The following RYR2 variants were observed in gnomAD, a reference collection of about 807,000 sequenced individuals.
RYR2 encodes the protein cardiac muscle ryanodine receptor-calcium release channel.
In RYR2, 227 loss-of-function variants were observed where a neutral mutation model predicts 601.1. The ratio of observed to expected loss-of-function variants is 0.38; its 90% CI spans 0.34 to 0.42. The LOEUF (loss-of-function observed/expected upper bound fraction) is 0.42, where lower values mean the gene tolerates loss of function less well. RYR2 is among the 10% of genes least tolerant of loss of function. RYR2 has a pLI of 1.00. For missense variants in RYR2, 4,646 were observed against 6,156.5 expected (o/e 0.75, Z 8.21); for synonymous variants, 2,223 against 2,175.1 (o/e 1.02, Z -0.61).
At chr1:237,226,216 A>T (rs1385125992) in intron 1 of RYR2, among the ~76,000 whole-genome samples, 1 of 152,168 alleles carries the variant, frequency 6.6e-6, no homozygotes, top group Non-Finnish European at 1.5e-5. Context: ...ATGTTGTTAG[A>T]AATATAGTTG....
intron 27 of RYR2, among the ~76,000 whole-genome samples, chr1:237,554,489 T>C (rs1487163917): frequency 6.6e-6 from 1 of 151,976 alleles, no homozygotes; most frequent in Admixed American, 6.6e-5. Context: ...TTGATATCAA[T>C]GTAAATCTAG....
At chr1:237,071,710 CTA>C (rs1664354762) in intron 1 of RYR2, among the ~76,000 whole-genome samples, 1 of 152,200 alleles carries the variant, frequency 6.6e-6, no homozygotes, top group Non-Finnish European at 1.5e-5. Flanking sequence ...CACCAGGGAC[CTA>C]CCCCTTCCTG....
chr1:237,293,717 A>G (rs181412796), intron 2 of RYR2, among the ~76,000 whole-genome samples: 1 of 152,332 alleles, frequency 6.6e-6, no homozygotes, highest in Admixed American at 6.5e-5. Context: ...TGCCTAGGGC[A>G]GGAAATGTGG....
At chr1:237,077,718 G>A (rs1353844281) in intron 1 of RYR2, among the ~76,000 whole-genome samples, 7 of 152,016 alleles carry the variant, frequency 4.6e-5, no homozygotes, top group African/African-American at 1.7e-4. Context: ...ACAGATCAAC[G>A]AGACAGAAAG....
At chr1:237,818,736 A>G (rs191254981) in intron 100 of RYR2, among the ~76,000 whole-genome samples, 13 of 151,774 alleles carry the variant, frequency 8.6e-5, no homozygotes, top group Admixed American at 7.9e-4. Flanking sequence ...TCATTAGCAC[A>G]GATGGTTCAG....
chr1:237,358,219 C>T (rs1699467326), intron 4 of RYR2, among the ~76,000 whole-genome samples: 1 of 152,154 alleles, frequency 6.6e-6, no homozygotes, highest in Non-Finnish European at 1.5e-5. Flanking sequence ...TCAAGTCATA[C>T]AGATCTCATT....
At chr1:237,248,277 A>ACCCCCCCCCCCCCCCCC (rs1215094555) in intron 1 of RYR2, among the ~76,000 whole-genome samples, 3 of 6,894 alleles carry the variant, frequency 4.4e-4, no homozygotes, top group Non-Finnish European at 6.2e-4. Context: ...ACCCCCCGCA[A>ACCCCCCCCCCCCCCCCC]CCCCGCCCCC....
At position 237,631,613 on chromosome 1, in the gene RYR2, A is replaced by ATTTTTTTTTTTTTTTTTTT. The variant is rs556269614; in HGVS notation, c.6555+86_6555+104dup. ...GTATATAGATTGATATAGAATGCAG[A>ATTTTTTTTTTTTTTTTTTT]TTTTTTTTTTTTTTTTTTTTTTTTT... On this transcript the variant is annotated intron_variant, in intron 42 of 104. Coordinates refer to ENST00000366574, the MANE Select transcript of RYR2 (RefSeq NM_001035.3). 26 of 208,588 alleles carry ATTTTTTTTTTTTTTTTTTT rather than the reference A, an allele frequency of 1.2e-4. 5 individuals carry two copies. The African/African-American group carries it at 1.5e-3, about 12-fold the overall frequency. The allele number at this position is 208,588 out of a possible 1,614,324, so 12.9% of individuals were successfully genotyped here. A position where few individuals can be genotyped will look rare whatever the true frequency, so the allele number is the denominator to read the frequency against.
chr1:237,679,916 G>A (rs1685717873), intron 61 of RYR2, among the ~76,000 whole-genome samples: 1 of 152,130 alleles, frequency 6.6e-6, no homozygotes, highest in African/African-American at 2.4e-5. Flanking sequence ...TTGGCCCAAG[G>A]CCAGCAGGAT....
chr1:237,379,006 A>G (rs1701245392), intron 8 of RYR2, among the ~76,000 whole-genome samples: 1 of 152,214 alleles, frequency 6.6e-6, no homozygotes, highest in South Asian at 2.1e-4. Flanking sequence ...TTCTAGGACA[A>G]TACAGGTGTG....
intron 16 of RYR2, among the ~76,000 whole-genome samples, chr1:237,459,371 G>T (rs1659211338): frequency 6.6e-6 from 1 of 152,122 alleles, no homozygotes; most frequent in African/African-American, 2.4e-5. Flanking sequence ...GATTGCTTGA[G>T]GCTGGAAGTT....
intron 62 of RYR2, among the ~76,000 whole-genome samples, chr1:237,681,272 C>G (rs1353582883): frequency 7.2e-5 from 11 of 152,206 alleles, no homozygotes; most frequent in Non-Finnish European, 5.9e-5. Flanking sequence ...AAAGTGAATA[C>G]ACAGTATAAA....
chr1:237,298,744 A>C (rs1693058833), intron 2 of RYR2, among the ~76,000 whole-genome samples: 1 of 152,168 alleles, frequency 6.6e-6, no homozygotes, highest in South Asian at 2.1e-4. Flanking sequence ...TCATGCCTAT[A>C]ATCCCAGCAC....
intron 16 of RYR2, 49 bp downstream of exon 16, chr1:237,456,784 G>T: frequency 1.3e-6 from 2 of 1,597,208 alleles, no homozygotes; most frequent in Non-Finnish European, 1.7e-6. Flanking sequence ...TATTTAAAAT[G>T]TCCATAAATG....
At chr1:237,569,397 G>A (rs989354146) in intron 29 of RYR2, 78 bp downstream of exon 29, 20 of 1,440,282 alleles carry the variant, frequency 1.4e-5, no homozygotes, top group Middle Eastern at 1.7e-4. Flanking sequence ...CTAACCGGGC[G>A]TTTCTGTTTC....
chr1:237,383,414 C>CTTTTTTTT (rs1558724426), intron 8 of RYR2, among the ~76,000 whole-genome samples: 5 of 64,780 alleles, frequency 7.7e-5, no homozygotes, highest in Admixed American at 1.6e-4. Flanking sequence ...TTTCTTTTTT[C>CTTTTTTTT]TTGTTTTTTT....
intron 2 of RYR2, among the ~76,000 whole-genome samples, chr1:237,322,100 A>G (rs1216158928): frequency 1.3e-5 from 2 of 152,224 alleles, no homozygotes; most frequent in Non-Finnish European, 2.9e-5. Flanking sequence ...TCAAACTGAT[A>G]CTGAGTAATT....
intron 26 of RYR2, among the ~76,000 whole-genome samples, chr1:237,549,076 G>A (rs572047385): frequency 5.3e-5 from 8 of 152,208 alleles, no homozygotes; most frequent in Non-Finnish European, 8.8e-5. Flanking sequence ...AATTCATTCC[G>A]CACAAGGGAG....
intron 12 of RYR2, among the ~76,000 whole-genome samples, chr1:237,437,405 C>T (rs769489746): frequency 2.6e-5 from 4 of 152,084 alleles, no homozygotes; most frequent in African/African-American, 4.8e-5. Context: ...CAAGCACTTA[C>T]GAATGGGATT....
Sources: allele counts gnomAD v4.1 joint callset (sites outside exome capture counted in the v4.1 genomes callset), GRCh38; gene constraint gnomAD v4.1.1; transcripts MANE v1.5; gene names NCBI Gene and HGNC (gene_info 2026-07-23, HGNC 2026-07-21).